Variants in CDH13 observed in about 807,000 individuals in gnomAD.
CDH13 encodes the protein cadherin 13.
A neutral mutation model predicts 63.8 loss-of-function variants in CDH13; 24 were observed. The ratio of observed to expected loss-of-function variants is 0.38; its 90% CI spans 0.27 to 0.53. The LOEUF is 0.53. CDH13 is among the 20% of genes least tolerant of loss of function. The pLI is 0.85. For synonymous variants in CDH13, 503 were observed against 355.3 expected, an observed-to-expected ratio of 1.42 and a Z score of -4.67; for missense variants, 1,049 against 903.1, an observed-to-expected ratio of 1.16 and a Z score of -2.07.
intron 2 of CDH13, among the ~76,000 whole-genome samples, chr16:82,987,568 A>T (rs1305977771): frequency 6.6e-6 from 1 of 152,026 alleles, no homozygotes; most frequent in Non-Finnish European, 1.5e-5. Flanking sequence ...GTAGAGACTG[A>T]GTTTCACTAT....
chr16:83,160,855 C>CA (rs1378689199), intron 4 of CDH13, among the ~76,000 whole-genome samples: 2 of 152,162 alleles, frequency 1.3e-5, no homozygotes, highest in Non-Finnish European at 2.9e-5. Context: ...GTGAGAAAAA[C>CA]AGTTTCCACA....
At chr16:83,102,376 C>G (rs1295682675) in intron 3 of CDH13, among the ~76,000 whole-genome samples, 1 of 152,170 alleles carries the variant, frequency 6.6e-6, no homozygotes, top group Non-Finnish European at 1.5e-5. Flanking sequence ...AAGAGATACC[C>G]AGGCAGGGAG....
chr16:83,697,963 G>C (rs968819134), intron 10 of CDH13, among the ~76,000 whole-genome samples: 1 of 152,140 alleles, frequency 6.6e-6, no homozygotes, highest in Non-Finnish European at 1.5e-5. Context: ...TAGTTTTATA[G>C]GACATAGCTA....
chr16:83,234,654 C>T (rs189470576), intron 5 of CDH13, among the ~76,000 whole-genome samples: 2 of 152,314 alleles, frequency 1.3e-5, no homozygotes, highest in African/African-American at 2.4e-5. Context: ...ATGCCGGGGG[C>T]ATTGTTCTAG....
chr16:82,714,155 G>A (rs559670882), intron 1 of CDH13, among the ~76,000 whole-genome samples: 12 of 152,228 alleles, frequency 7.9e-5, no homozygotes, highest in Admixed American at 6.5e-4. Context: ...GCAGCCACAG[G>A]ACACTCATAC....
At chr16:82,818,284 G>T (rs1220061941) in intron 1 of CDH13, among the ~76,000 whole-genome samples, 3 of 152,096 alleles carry the variant, frequency 2.0e-5, no homozygotes, top group Non-Finnish European at 2.9e-5. Context: ...CCCGGCCAAG[G>T]TCACGTAGCT....
intron 5 of CDH13, among the ~76,000 whole-genome samples, chr16:83,303,321 A>G (rs2089794221): frequency 6.6e-6 from 1 of 152,222 alleles, no homozygotes; most frequent in South Asian, 2.1e-4. Context: ...TGATCACGCA[A>G]TAACCCAGTA....
In CDH13 at chr16:82,973,923, T is replaced by C. The variant is rs149417075; in HGVS notation, c.158-58087T>C. Among the ~76,000 whole-genome samples the C allele has an allele frequency of 2.0e-5, 3 of 152,274 alleles. No homozygotes were observed. The East Asian group carries it at 5.8e-4, about 29-fold the overall frequency. On this transcript the variant is annotated intron_variant, in intron 2 of 13. Transcript: ENST00000567109. The stretch of plus-strand genomic sequence containing the variant: ...TTTGCTTTCCCTCTCTAAGCATTTT[T>C]GGTTTTTGGTTTTTTTTGAAACAGA...
intron 7 of CDH13, among the ~76,000 whole-genome samples, chr16:83,533,246 T>G (rs1180754425): frequency 1.3e-5 from 2 of 152,138 alleles, no homozygotes; most frequent in Admixed American, 1.3e-4. Flanking sequence ...ACGGCTCACT[T>G]TTCATTGGTG....
chr16:83,735,299 T>C (rs1297616583), intron 10 of CDH13: 1 of 152,208 alleles, frequency 6.6e-6, no homozygotes, highest in African/African-American at 2.4e-5. Context: ...CCCAGTCCTT[T>C]GCCAGTCAAA....
chr16:83,227,915 A>AT (rs1198388203), intron 5 of CDH13, among the ~76,000 whole-genome samples: 1 of 152,146 alleles, frequency 6.6e-6, no homozygotes, highest in Admixed American at 6.5e-5. Context: ...AACAACCACC[A>AT]AATCCCTGCT....
intron 1 of CDH13, among the ~76,000 whole-genome samples, chr16:82,694,848 T>C (rs2030064867): frequency 6.6e-6 from 1 of 152,158 alleles, no homozygotes; most frequent in Non-Finnish European, 1.5e-5. Flanking sequence ...TGTGGTCTCT[T>C]CTAGAAAGGA....
chr16:83,282,718 T>G (rs2089210527), intron 5 of CDH13, among the ~76,000 whole-genome samples: 1 of 152,214 alleles, frequency 6.6e-6, no homozygotes, highest in South Asian at 2.1e-4. Flanking sequence ...TTCCAGTGCC[T>G]TGAGAGAATA....
At chr16:83,648,329 A>G (rs901372938) in intron 8 of CDH13, among the ~76,000 whole-genome samples, 14 of 152,096 alleles carry the variant, frequency 9.2e-5, no homozygotes, top group African/African-American at 3.4e-4. Flanking sequence ...ACTGTTTTGG[A>G]GACTTAAGGG....
chr16:82,721,851 G>C (rs566522274), intron 1 of CDH13, among the ~76,000 whole-genome samples: 1 of 152,156 alleles, frequency 6.6e-6, no homozygotes, highest in Non-Finnish European at 1.5e-5. Context: ...GTCATCAGGA[G>C]GCTGTAGGTG....
intron 6 of CDH13, among the ~76,000 whole-genome samples, chr16:83,426,949 G>C (rs1229839460): frequency 9.3e-6 from 1 of 107,792 alleles, no homozygotes; most frequent in Non-Finnish European, 1.7e-5. Flanking sequence ...TGAAGACGGA[G>C]TCTCGCTTGC....
At chr16:83,369,762 C>A (rs1470281311) in intron 6 of CDH13, among the ~76,000 whole-genome samples, 1 of 152,068 alleles carries the variant, frequency 6.6e-6, no homozygotes, top group Non-Finnish European at 1.5e-5. Flanking sequence ...CATCTGTAGA[C>A]CCCACTCCTC....
rs1907571847 is a variant in CDH13 at position 82,964,828 on chromosome 16, C to T, written c.158-67182C>T. ...ATCCAGTCCTGTCGAAATGACTGATCCTGGGTTTTTTTCTTCCTTGTTGCT... is the reference window on the plus strand; with the variant it reads ...ATCCAGTCCTGTCGAAATGACTGATTCTGGGTTTTTTTCTTCCTTGTTGCT... On this transcript the variant is annotated intron_variant, in intron 2 of 13. Transcript: ENST00000567109. Among the ~76,000 whole-genome samples the T allele has an allele frequency of 2.0e-5, 3 of 152,300 alleles. No individual in the cohort carries two copies. The South Asian group carries it at 6.2e-4, about 32-fold the overall frequency.
At chr16:83,779,514 G>C (rs1230551579) in intron 11 of CDH13, among the ~76,000 whole-genome samples, 1 of 140,802 alleles carries the variant, frequency 7.1e-6, no homozygotes, top group Non-Finnish European at 1.5e-5. Flanking sequence ...AGTCTTGTTT[G>C]CAACTATTAA....
Sources: allele counts gnomAD v4.1 joint callset (sites outside exome capture counted in the v4.1 genomes callset), GRCh38; gene constraint gnomAD v4.1.1; transcripts MANE v1.5; gene names NCBI Gene and HGNC (gene_info 2026-07-23, HGNC 2026-07-21).